Variants in PRRC2A observed in about 807,000 individuals in gnomAD.
The protein encoded by PRRC2A is proline rich coiled-coil 2A.
A neutral mutation model predicts 224.6 loss-of-function variants in PRRC2A; 59 were observed. The ratio of observed to expected loss-of-function variants is 0.26; its 90% CI spans 0.21 to 0.33. PRRC2A has a LOEUF of 0.33. Ranked by LOEUF, PRRC2A falls within the 10% of genes least tolerant of loss-of-function variation. PRRC2A has a pLI of 1.00. For missense variants in PRRC2A, 3,095 were observed against 2,880.7 expected (o/e 1.07, Z -1.70); for synonymous variants, 1,194 against 1,109.5 (o/e 1.08, Z -1.51).
chr6:31,626,262 G>T (rs1392950021), intron 9 of PRRC2A, 100 bp downstream of exon 9: 2 of 1,401,798 alleles, frequency 1.4e-6, no homozygotes, highest in East Asian at 4.7e-5. Flanking sequence ...AGACATTGAA[G>T]TGTAGGAAGA....
rs757742448 is a variant in PRRC2A, at chr6:31,636,600, G to A, written c.5926G>A (p.Ala1976Thr). The A allele has an allele frequency of 1.9e-6, 3 of 1,601,336 alleles. No homozygotes were observed. Among genetic ancestry groups the A allele is most frequent in the African/African-American group, 1.3e-5 (1 of 74,352 alleles). Residue 1976 changes from alanine (A) to threonine (T), a missense_variant, in exon 27 of 31, where the codon GCC becomes ACC. By Grantham distance (58) the Ala-to-Thr change is moderately conservative. This residue lies in a region of PRRC2A where 662 missense variants were observed against 609.5 expected (regional missense o/e 1.09). Transcript: ENST00000376033. This position sits in a 1 kb window ranked among gnomAD's most constrained non-coding sequence, Gnocchi z 4.3. ...QSGFLPSGAP[A>T]QQMLLPMVDS... is the part of the protein sequence containing the mutation. The stretch of plus-strand genomic sequence containing the variant: ...TGGCTTTCTCCCTTCAGGGGCTCCT[G>A]CCCAGCAGGTATATTGTATCTTCAC...
Position 31,635,668 on chromosome 6 carries a change from C to G in PRRC2A, c.5460C>G (p.His1820Gln). 1 of 1,612,936 alleles carries G rather than the reference C, an allele frequency of 6.2e-7. No individual in the cohort carries two copies. Among genetic ancestry groups the G allele is most frequent in the Non-Finnish European group, 8.5e-7 (1 of 1,179,958 alleles). The change falls in exon 24 of 31, where the codon CAC (histidine) becomes CAG (glutamine). Residue 1820 changes from histidine to glutamine, a missense_variant. By Grantham distance (24) the His-to-Gln change is conservative. Transcript: ENST00000376033. ...AATCCAAGAACCTGGATTCTGGGCA[C>G]TGTGTCCCGGAGCCCAGCTCCTCAG... ...EPQSKNLDSG[H>Q]CVPEPSSSGQ...
intron 12 of PRRC2A, chr6:31,628,609 C>T (rs543949183): frequency 1.4e-5 from 4 of 280,800 alleles, no homozygotes; most frequent in Non-Finnish European, 2.7e-5. Flanking sequence ...TCTGGGAGGC[C>T]GAGGCGGGCA....
Position 31,631,888 on chromosome 6 carries a change from G to A in PRRC2A, c.3215G>A (p.Gly1072Glu), listed in dbSNP as rs1231294134. ...GATGGGCGTGGAGGTGGGACAGGGG[G>A]ACCAAACCACCCTCCTGCTCCCCGA... ...GDDGRGGGTGGPNHPPAPRGR... is the reference protein window; with the variant it reads ...GDDGRGGGTGEPNHPPAPRGR... The change falls in exon 16 of 31, where the codon GGA becomes GAA. Residue 1072 changes from glycine to glutamate, a missense_variant. Physicochemically the swap from Gly to Glu is moderately conservative, Grantham distance 98 (BLOSUM62 -2). This residue lies in a region of PRRC2A where 2,001 missense variants were observed against 1,764.9 expected (regional missense o/e 1.13). Coordinates refer to ENST00000376033, the MANE Select transcript of PRRC2A (RefSeq NM_004638.4). This position sits in a 1 kb window ranked among gnomAD's most constrained non-coding sequence, Gnocchi z 4.5. The A allele has an allele frequency of 1.9e-6, 3 of 1,611,168 alleles. No homozygotes were observed. Among genetic ancestry groups the A allele is most frequent in the Non-Finnish European group, 2.5e-6 (3 of 1,179,380 alleles).
At chr6:31,637,422 G>A (rs2736155) in intron 30 of PRRC2A, 24 bp from the exon 31 acceptor site, 8 of 1,599,744 alleles carry the variant, frequency 5.0e-6, no homozygotes, top group Admixed American at 1.7e-5. Flanking sequence ...GTGACTCACT[G>A]TTTAACACAT....
chr6:31,624,553 T>A, intron 5 of PRRC2A, 31 bp downstream of exon 5: 4 of 1,581,254 alleles, frequency 2.5e-6, no homozygotes, highest in Non-Finnish European at 3.5e-6. Flanking sequence ...GGGAGCTGTG[T>A]CTGGGCACCA....
intron 9 of PRRC2A, 40 bp from the exon 10 acceptor site, chr6:31,626,732 G>C: frequency 6.6e-7 from 1 of 1,520,984 alleles, no homozygotes; most frequent in Non-Finnish European, 8.9e-7. Flanking sequence ...AGATTGGAGG[G>C]CAGAATGCTT....
At chr6:31,624,425 A>G (rs906173736) in intron 4 of PRRC2A, 25 bp from the exon 5 acceptor site, 2 of 1,610,742 alleles carry the variant, frequency 1.2e-6, no homozygotes, top group African/African-American at 2.7e-5. Flanking sequence ...CACATCATTT[A>G]TCATCTTTCT....
rs1420714732 is a variant in PRRC2A at position 31,631,216 on chromosome 6, G to A, written c.2543G>A (p.Gly848Glu). The part of the protein sequence containing the change: ...YPGFPENGAP[G>E]PPISRFPLEE... ...GGCTTTCCTGAGAATGGAGCCCCTG[G>A]GCCCCCAATCTCTCGCTTTCCTCTG... Residue 848 changes from glycine (G) to glutamate (E), a missense_variant, in exon 16 of 31, where the codon GGG becomes GAG. Physicochemically the swap from Gly to Glu is moderately conservative, Grantham distance 98. Coordinates refer to ENST00000376033, the MANE Select transcript of PRRC2A (RefSeq NM_004638.4). The surrounding 1 kb of genome is among the most constrained non-coding windows in gnomAD (Gnocchi z 4.5). 2 of 1,606,052 alleles carry A rather than the reference G, an allele frequency of 1.2e-6. No homozygotes were observed. Among genetic ancestry groups the A allele is most frequent in the Middle Eastern group, 1.7e-4 (1 of 6,032 alleles).
Position 31,625,119 on chromosome 6 carries a change from A to G in PRRC2A, c.464-52A>G, listed in dbSNP as rs773070298. ...AGCCAGAGTCTTCCACTTTTATAGC[A>G]TGTCCTCAGGAAATGTCTTCTGTCT... On this transcript the variant is annotated intron_variant, in intron 5 of 30. Coordinates refer to ENST00000376033, the MANE Select transcript of PRRC2A (RefSeq NM_004638.4). The surrounding 1 kb of genome is among the most constrained non-coding windows in gnomAD (Gnocchi z 4.1). 2.5e-6 allele frequency: 4 copies of G among 1,577,378 alleles called. No individual in the cohort carries two copies. The highest frequency in any genetic ancestry group is 1.3e-5 in the African/African-American group (1 of 74,274).
At position 31,625,453 on chromosome 6, in the gene PRRC2A, A is replaced by C. The variant is rs1418215925; in HGVS notation, c.608-7A>C. ...TGATACCTCTCTCTACCTTTTCCAAAATACAGATTCTACAACTTGGAGGGA... is the reference window on the plus strand; with the variant it reads ...TGATACCTCTCTCTACCTTTTCCAACATACAGATTCTACAACTTGGAGGGA... On this transcript the variant is annotated splice_polypyrimidine_tract_variant and splice_region_variant and intron_variant, in intron 6 of 30. Coordinates refer to ENST00000376033, the MANE Select transcript of PRRC2A (RefSeq NM_004638.4). This position sits in a 1 kb window ranked among gnomAD's most constrained non-coding sequence, Gnocchi z 4.1. 5 of 1,601,286 alleles carry C rather than the reference A, an allele frequency of 3.1e-6. No individual in the cohort carries two copies. The highest frequency in any genetic ancestry group is 4.3e-6 in the Non-Finnish European group (5 of 1,170,016).
rs1016270858 is a variant in PRRC2A, at chr6:31,633,539, G to A, written c.4480G>A (p.Gly1494Arg). 6.2e-7 allele frequency: 1 copy of A among 1,613,000 alleles called. No homozygotes were observed. Among genetic ancestry groups the A allele is most frequent in the African/African-American group, 1.3e-5 (1 of 74,946 alleles). ...SSRQGSVTAP[G>R]GHPRHKPGLP... Reference sequence around the variant, plus strand: ...CCGTCAAGGGAGTGTAACTGCACCAGGGGGTCATCCAAGGCACAAGCCTGG... The same window carrying A: ...CCGTCAAGGGAGTGTAACTGCACCAAGGGGTCATCCAAGGCACAAGCCTGG... The change falls in exon 17 of 31, where the codon GGG (glycine) becomes AGG (arginine). Residue 1494 changes from glycine (G) to arginine (R), a missense_variant. Gly to Arg is a moderately radical substitution (Grantham distance 125). Transcript: ENST00000376033.
At chr6:31,637,160 C>CT in intron 29 of PRRC2A, 24 bp downstream of exon 29, 1 of 1,609,268 alleles carries the variant, frequency 6.2e-7, no homozygotes, top group Non-Finnish European at 8.5e-7. Context: ...GGGATGTGGA[C>CT]TTTCCAAGTG....
Position 31,631,668 on chromosome 6 carries a change from C to A in PRRC2A, c.2995C>A (p.Pro999Thr). Reference sequence around the variant, plus strand: ...GCTAGGGGGCCCCAAGGAGACCCCACCCAATGGAAATCTTTCCCCTGCCCC... The same window carrying A: ...GCTAGGGGGCCCCAAGGAGACCCCAACCAATGGAAATCTTTCCCCTGCCCC... Reference protein sequence around the residue: ...GKLGGPKETPPNGNLSPAPRL... With the variant: ...GKLGGPKETPTNGNLSPAPRL... The change falls in exon 16 of 31, where the codon CCC (proline) becomes ACC (threonine). Residue 999 changes from proline to threonine, a missense_variant. Pro to Thr is a conservative substitution (Grantham distance 38, BLOSUM62 -1). This residue lies in a region of PRRC2A where 2,001 missense variants were observed against 1,764.9 expected (regional missense o/e 1.13). Coordinates refer to ENST00000376033, the MANE Select transcript of PRRC2A (RefSeq NM_004638.4). The surrounding 1 kb of genome is among the most constrained non-coding windows in gnomAD (Gnocchi z 4.5). 6.6e-7 allele frequency: 1 copy of A among 1,514,840 alleles called. No individual in the cohort carries two copies. 93.8% of individuals were successfully genotyped at this position (1,514,840 alleles called of 1,614,324 possible).
At chr6:31,629,097 T>G in intron 12 of PRRC2A, 47 bp from the exon 13 acceptor site, 1 of 1,580,414 alleles carries the variant, frequency 6.3e-7, no homozygotes, top group Non-Finnish European at 8.7e-7. Flanking sequence ...GTTCATGGAG[T>G]GTCTATTGTT....
chr6:31,629,812 C>T lies in PRRC2A; in HGVS notation c.2221C>T (p.Leu741=), dbSNP rs752544175. ...CCGGCTCCTCCAGGGTCGTCCCCCTCTAGACTTCTACCCTCCTGGTGTGCA... is the reference window on the plus strand; with the variant it reads ...CCGGCTCCTCCAGGGTCGTCCCCCTTTAGACTTCTACCCTCCTGGTGTGCA... ...DPRLLQGRPP[L]DFYPPGVHPS... is the part of the protein sequence containing the mutation. Residue 741 remains leucine, a synonymous_variant, in exon 14 of 31, where the codon CTA becomes TTA. Transcript: ENST00000376033. 1.2e-6 allele frequency: 2 copies of T among 1,613,734 alleles called. No homozygotes were observed. Among genetic ancestry groups the T allele is most frequent in the Non-Finnish European group, 1.7e-6 (2 of 1,179,780 alleles).
Position 31,636,275 on chromosome 6 carries a change from C to G in PRRC2A, c.5691C>G (p.Leu1897=), listed in dbSNP as rs1488110231. The G allele has an allele frequency of 6.2e-7, 1 of 1,612,996 alleles. No individual in the cohort carries two copies. The highest frequency in any genetic ancestry group is 1.1e-5 in the South Asian group (1 of 91,076). Residue 1897 remains leucine, a synonymous_variant, in exon 26 of 31, where the codon CTC becomes CTG. Coordinates refer to ENST00000376033, the MANE Select transcript of PRRC2A (RefSeq NM_004638.4). The surrounding 1 kb of genome is among the most constrained non-coding windows in gnomAD (Gnocchi z 4.3). ...CAGCACTGCTCTCTGGGTTAGCTCT[C>G]AAGGGCCAGTTTCTGGATTTCTCCA... The part of the protein sequence containing the change: ...PPSALLSGLA[L]KGQFLDFSTM...
chr6:31,623,259 ATTTTTTT>A (rs3993756), intron 2 of PRRC2A: 4,191 of 320,714 alleles, frequency 0.013, 2 homozygotes, highest in Admixed American at 0.034. Context: ...GATTTCATAG[ATTTTTTT>A]TTTTTTTTTT....
Position 31,625,637 on chromosome 6 carries a change from A to G in PRRC2A, c.759+26A>G, listed in dbSNP as rs910207949. The G allele has an allele frequency of 1.2e-6, 2 of 1,601,114 alleles. No homozygotes were observed. Among genetic ancestry groups the G allele is most frequent in the Non-Finnish European group, 1.7e-6 (2 of 1,172,774 alleles). ...GTGAGTCTTGGTGTCTTGTCTTGGA[A>G]CGATTACACTGGAAGCTGGAGAGCT... On this transcript the variant is annotated intron_variant, in intron 7 of 30. Transcript: ENST00000376033. The surrounding 1 kb of genome is among the most constrained non-coding windows in gnomAD (Gnocchi z 4.1).
Sources: gnomAD v4.1 joint callset for allele counts on GRCh38, gnomAD v4.1.1 for gene constraint, gnomAD v4.1.1 regional missense constraint, Gnocchi (gnomAD v3.1) non-coding constraint, MANE v1.5 for transcripts, NCBI Gene and HGNC (gene_info 2026-07-23, HGNC 2026-07-21) for gene names.